MTUS2: variants seen among roughly 807,000 people sequenced by gnomAD.
MTUS2 encodes the protein microtubule-associated tumor suppressor candidate 2.
A neutral mutation model predicts 114.1 loss-of-function variants in MTUS2; 40 were observed. The observed-to-expected ratio is 0.35, with a 90% CI of 0.27 to 0.46. MTUS2 has a LOEUF of 0.46. MTUS2 is among the 20% of genes least tolerant of loss of function. The pLI is 1.00. For synonymous variants in MTUS2, 688 were observed against 672.0 expected, an observed-to-expected ratio of 1.02 and a Z score of -0.37; for missense variants, 1,679 against 1,705.4, an observed-to-expected ratio of 0.98 and a Z score of 0.27.
intron 5 of MTUS2, among the ~76,000 whole-genome samples, chr13:29,190,324 T>C (rs1208452873): frequency 6.6e-6 from 1 of 152,244 alleles, no homozygotes; most frequent in Non-Finnish European, 1.5e-5. Context: ...ACTCAGTCCT[T>C]CATTAAGCAC....
chr13:28,967,147 CA>C (rs2138237850), intron 2 of MTUS2, among the ~76,000 whole-genome samples: 1 of 152,304 alleles, frequency 6.6e-6, no homozygotes, highest in South Asian at 2.1e-4. Context: ...TTAATTCCAG[CA>C]GGGGGAGGAG....
chr13:29,357,890 T>C (rs756683483), intron 7 of MTUS2, among the ~76,000 whole-genome samples: 3 of 152,172 alleles, frequency 2.0e-5, no homozygotes, highest in Admixed American at 1.3e-4. Flanking sequence ...ACTAGAAGCA[T>C]TTAGGTCAAT....
intron 9 of MTUS2, among the ~76,000 whole-genome samples, chr13:29,472,345 C>A (rs1477964520): frequency 6.6e-6 from 1 of 152,130 alleles, no homozygotes; most frequent in Non-Finnish European, 1.5e-5. Flanking sequence ...TTTCATCCTT[C>A]ATTTTCAGCC....
intron 8 of MTUS2, among the ~76,000 whole-genome samples, chr13:29,412,148 T>G (rs1875288535): frequency 6.6e-6 from 1 of 152,218 alleles, no homozygotes; most frequent in Admixed American, 6.5e-5. Flanking sequence ...GAATCCTTGC[T>G]TTGTTCCTGA....
chr13:28,951,467 T>C (rs1456097169), intron 2 of MTUS2, among the ~76,000 whole-genome samples: 1 of 152,112 alleles, frequency 6.6e-6, no homozygotes, highest in African/African-American at 2.4e-5. Flanking sequence ...TTCCTTCTCC[T>C]CCTAGTTTTG....
chr13:29,137,339 C>G (rs544591916), intron 5 of MTUS2, among the ~76,000 whole-genome samples: 2 of 152,164 alleles, frequency 1.3e-5, no homozygotes, highest in African/African-American at 4.8e-5. Context: ...TTGAGTTCAT[C>G]CTGCTTCCGT....
In MTUS2 at chr13:29,480,518, C is replaced by G. The variant is rs1881085595; in HGVS notation, c.3399+154C>G. On this transcript the variant is annotated intron_variant, in intron 10 of 15. Coordinates refer to ENST00000612955, the MANE Select transcript of MTUS2 (RefSeq NM_001033602.4). This position sits in a 1 kb window ranked among gnomAD's most constrained non-coding sequence, Gnocchi z 4.4. ...TGCTTTCTCCTTTCTCCCCGCTCCTCTCTTCTCCTCCAGCCACTGTGGCCT... is the reference window on the plus strand; with the variant it reads ...TGCTTTCTCCTTTCTCCCCGCTCCTGTCTTCTCCTCCAGCCACTGTGGCCT... 6.6e-6 allele frequency among the ~76,000 whole-genome samples: 1 copy of G among 152,190 alleles called. No homozygotes were observed. Among genetic ancestry groups the G allele is most frequent in the South Asian group, 2.1e-4 (1 of 4,828 alleles).
intron 5 of MTUS2, among the ~76,000 whole-genome samples, chr13:29,256,354 G>T (rs576727877): frequency 6.6e-6 from 1 of 152,316 alleles, no homozygotes; most frequent in Admixed American, 6.5e-5. Flanking sequence ...TCAGGGAAGC[G>T]CAGTGGTCAG....
chr13:29,224,083 C>T (rs920939647), intron 5 of MTUS2, among the ~76,000 whole-genome samples: 1 of 152,178 alleles, frequency 6.6e-6, no homozygotes, highest in Non-Finnish European at 1.5e-5. Context: ...GGAATGGGAT[C>T]CAGGCTGGTA....
intron 2 of MTUS2, among the ~76,000 whole-genome samples, chr13:29,008,425 A>T (rs1041217425): frequency 2.6e-5 from 4 of 152,044 alleles, no homozygotes; most frequent in African/African-American, 9.7e-5. Flanking sequence ...TTCTGTTCCA[A>T]TCTGAACTGG....
At chr13:29,445,563 C>T (rs1330103000) in intron 9 of MTUS2, among the ~76,000 whole-genome samples, 1 of 152,158 alleles carries the variant, frequency 6.6e-6, no homozygotes, top group Non-Finnish European at 1.5e-5. Context: ...ATCTTCCCTG[C>T]ACTTGGTATA....
intron 5 of MTUS2, among the ~76,000 whole-genome samples, chr13:29,248,306 A>G (rs1463116311): frequency 6.6e-6 from 1 of 152,142 alleles, no homozygotes; most frequent in African/African-American, 2.4e-5. Context: ...TACATTCCTT[A>G]GCTGATGGGT....
intron 9 of MTUS2, among the ~76,000 whole-genome samples, chr13:29,475,186 G>T (rs2138864284): frequency 6.6e-6 from 1 of 152,224 alleles, no homozygotes; most frequent in Non-Finnish European, 1.5e-5. Context: ...TAATGCAGCT[G>T]AAAAATTTCT....
chr13:29,106,193 A>G (rs1444879828), intron 5 of MTUS2, among the ~76,000 whole-genome samples: 1 of 152,194 alleles, frequency 6.6e-6, no homozygotes, highest in African/African-American at 2.4e-5. Flanking sequence ...TGAGCCATCA[A>G]GTATCTCTAA....
At chr13:29,077,754 T>C (rs1450125509) in intron 4 of MTUS2, among the ~76,000 whole-genome samples, 1 of 152,230 alleles carries the variant, frequency 6.6e-6, no homozygotes, top group East Asian at 1.9e-4. Context: ...TGGATTAATA[T>C]ACATTTACTT....
chr13:28,944,592 G>T (rs327126), intron 2 of MTUS2, among the ~76,000 whole-genome samples: 140,850 of 152,254 alleles, frequency 0.93, 65,325 homozygotes, highest in Non-Finnish European at 0.95. Context: ...CTTTCTTATG[G>T]TAATGTAACA....
intron 5 of MTUS2, among the ~76,000 whole-genome samples, chr13:29,244,361 G>A (rs1259396064): frequency 2.0e-5 from 3 of 152,166 alleles, no homozygotes; most frequent in Non-Finnish European, 4.4e-5. Context: ...GGCTCAGTAA[G>A]GACAGGGTGG....
intron 11 of MTUS2, among the ~76,000 whole-genome samples, chr13:29,491,883 G>A (rs1168132653): frequency 6.8e-6 from 1 of 146,030 alleles, no homozygotes; most frequent in Non-Finnish European, 1.5e-5. Context: ...TGTGTGGTGG[G>A]TGTGTATGTG....
intron 7 of MTUS2, among the ~76,000 whole-genome samples, chr13:29,325,724 C>T (rs1253700328): frequency 2.6e-5 from 4 of 152,174 alleles, no homozygotes; most frequent in Non-Finnish European, 4.4e-5. Flanking sequence ...TAACTGCATG[C>T]CAGGTACTGC....
Sources: gnomAD v4.1 joint callset for allele counts (sites outside exome capture counted in the v4.1 genomes callset) on GRCh38, gnomAD v4.1.1 for gene constraint, Gnocchi (gnomAD v3.1) non-coding constraint, MANE v1.5 for transcripts, NCBI Gene and HGNC (gene_info 2026-07-23, HGNC 2026-07-21) for gene names.